GRB14: variants seen among roughly 807,000 people sequenced by gnomAD.
The protein encoded by GRB14 is growth factor receptor-bound protein 14.
Under a neutral mutation model 69.1 loss-of-function variants are expected in GRB14, and 38 were observed. The observed-to-expected ratio is 0.55, with a 90% CI of 0.42 to 0.72. The LOEUF is 0.72. Ranked by LOEUF, GRB14 falls within the 30% of genes least tolerant of loss-of-function variation. The probability of loss-of-function intolerance (pLI) is 0.00; values close to 1 mark genes in which losing one functional copy is unlikely to be tolerated. For missense variants in GRB14, 666 were observed against 666.1 expected (o/e 1.00, Z 0.00); for synonymous variants, 247 against 241.3 (o/e 1.02, Z -0.22).
chr2:164,521,987 G>A lies in GRB14; in HGVS notation c.809C>T (p.Thr270Ile), dbSNP rs772554477. ...ATGGATACTTCAATTTACCTTTGAT[G>A]TTCCTTTAGTAGAAAAATATAAACC... ...RSGLYFSTKG[T>I]SKEPRHLQFF... is the part of the protein sequence containing the mutation. Residue 270 changes from threonine (T) to isoleucine (I), a missense_variant, in exon 6 of 14, where the codon ACA (threonine) becomes ATA (isoleucine). By Grantham distance (89) the Thr-to-Ile change is moderately conservative. Coordinates refer to ENST00000263915, the MANE Select transcript of GRB14 (RefSeq NM_004490.3). 1.9e-6 allele frequency: 3 copies of A among 1,599,310 alleles called. No individual in the cohort carries two copies. Among genetic ancestry groups the A allele is most frequent in the Non-Finnish European group, 2.6e-6 (3 of 1,171,310 alleles).
intron 2 of GRB14, among the ~76,000 whole-genome samples, chr2:164,609,240 G>A (rs1385798020): frequency 1.3e-5 from 2 of 152,298 alleles, no homozygotes; most frequent in African/African-American, 4.8e-5. Flanking sequence ...ATTGCACTAT[G>A]CTAAAGAAAG....
At chr2:164,618,877 G>A (rs577010893) in intron 2 of GRB14, among the ~76,000 whole-genome samples, 29 of 152,264 alleles carry the variant, frequency 1.9e-4, no homozygotes, top group Middle Eastern at 6.8e-3. Context: ...TCAATGTATT[G>A]TTTCCACCCT....
At chr2:164,611,626 G>A (rs1690168990) in intron 2 of GRB14, among the ~76,000 whole-genome samples, 1 of 150,610 alleles carries the variant, frequency 6.6e-6, no homozygotes, top group African/African-American at 2.4e-5. Flanking sequence ...TCTAAGTTTA[G>A]ATGCTTGGTC....
At chr2:164,590,742 T>C (rs1027128626) in intron 2 of GRB14, among the ~76,000 whole-genome samples, 5 of 152,228 alleles carry the variant, frequency 3.3e-5, no homozygotes, top group African/African-American at 1.2e-4. Flanking sequence ...GTACAAGTGG[T>C]TTCACCTTTT....
chr2:164,612,160 C>T (rs1690182260), intron 2 of GRB14, among the ~76,000 whole-genome samples: 1 of 152,148 alleles, frequency 6.6e-6, no homozygotes, highest in Non-Finnish European at 1.5e-5. Flanking sequence ...AAAAACGGTA[C>T]ACGCAATGTT....
chr2:164,570,536 C>A (rs1260777087), intron 2 of GRB14, among the ~76,000 whole-genome samples: 1 of 151,980 alleles, frequency 6.6e-6, no homozygotes, highest in African/African-American at 2.4e-5. Context: ...TGCTAAGTAT[C>A]AAGGGTGCAC....
In GRB14 at chr2:164,531,908, C is replaced by G. The variant is rs553180733; in HGVS notation, c.482-4773G>C. On this transcript the variant is annotated intron_variant, in intron 3 of 13. Coordinates refer to ENST00000263915, the MANE Select transcript of GRB14 (RefSeq NM_004490.3). Reference sequence around the variant, plus strand: ...ACCAAGCATGACAGAGAAGCAATAGCTAAGTACAATGTCAAGTCCACAGCA... The same window carrying G: ...ACCAAGCATGACAGAGAAGCAATAGGTAAGTACAATGTCAAGTCCACAGCA... 3.3e-5 allele frequency among the ~76,000 whole-genome samples: 5 copies of G among 152,264 alleles called. 1 individual carries two copies. The highest frequency in any genetic ancestry group is 1.2e-4 in the African/African-American group (5 of 41,564).
chr2:164,565,644 G>T (rs115647921), intron 2 of GRB14, among the ~76,000 whole-genome samples: 1 of 152,154 alleles, frequency 6.6e-6, no homozygotes, highest in Non-Finnish European at 1.5e-5. Context: ...AGAAAAATGC[G>T]ATGAGGTAAA....
rs1574366176 is a variant in GRB14, at chr2:164,621,433, C to T, written c.-124G>A. ...CGCTCTGCAGGTGTGGTGGCCTCGC[C>T]GCCTGCGCTCGGGGCCCCGGCGGCT... On this transcript the variant is annotated 5_prime_UTR_variant, in exon 1 of 14. Coordinates refer to ENST00000263915, the MANE Select transcript of GRB14 (RefSeq NM_004490.3). The surrounding 1 kb of genome is among the most constrained non-coding windows in gnomAD (Gnocchi z 6.0). The T allele has an allele frequency of 2.6e-6, 2 of 756,610 alleles. No individual in the cohort carries two copies. Among genetic ancestry groups the T allele is most frequent in the Non-Finnish European group, 3.6e-6 (2 of 561,586 alleles). The allele number at this position is 756,610 out of a possible 1,614,324, so 46.9% of individuals were successfully genotyped here.
At chr2:164,533,293 C>T (rs1484218876) in intron 3 of GRB14, among the ~76,000 whole-genome samples, 3 of 124,480 alleles carry the variant, frequency 2.4e-5, no homozygotes, top group Admixed American at 2.3e-4. Context: ...AGTGCAGTGG[C>T]GCAATCTCGG....
chr2:164,610,027 C>G (rs190351915), intron 2 of GRB14, among the ~76,000 whole-genome samples: 1 of 152,218 alleles, frequency 6.6e-6, no homozygotes, highest in East Asian at 1.9e-4. Flanking sequence ...TGTTTACACG[C>G]CCCAGGGTAA....
At chr2:164,568,547 G>T in intron 2 of GRB14, 1 of 937,678 alleles carries the variant, frequency 1.1e-6, no homozygotes, top group Non-Finnish European at 1.3e-6. Context: ...AATTAAGGAT[G>T]GCTGTGGGAC....
chr2:164,568,274 C>G (rs1330545527), intron 2 of GRB14: 1 of 1,220,136 alleles, frequency 8.2e-7, no homozygotes, highest in Admixed American at 2.4e-5. Context: ...AAAAAAGCAG[C>G]AAGAAAAATT....
Position 164,607,810 on chromosome 2 carries a change from C to T in GRB14, c.324+11877G>A, listed in dbSNP as rs576000546. ...TGTACTTTGTTCAAATTAATACACT[C>T]GGAAAATGTGTTAATTTTATCATAC... On this transcript the variant is annotated intron_variant, in intron 2 of 13. Transcript: ENST00000263915. 5.3e-5 allele frequency among the ~76,000 whole-genome samples: 8 copies of T among 152,284 alleles called. No individual in the cohort carries two copies. The South Asian group carries it at 1.7e-3, about 32-fold the overall frequency.
At chr2:164,560,715 C>G (rs1243333249) in intron 2 of GRB14, among the ~76,000 whole-genome samples, 1 of 151,990 alleles carries the variant, frequency 6.6e-6, no homozygotes, top group Non-Finnish European at 1.5e-5. Context: ...ATTGATAAAA[C>G]TACCCAAGAT....
chr2:164,514,656 C>T (rs1451465736), intron 6 of GRB14, among the ~76,000 whole-genome samples: 1 of 151,986 alleles, frequency 6.6e-6, no homozygotes, highest in Non-Finnish European at 1.5e-5. Flanking sequence ...TCCAGCTGAA[C>T]TTTGTAACAA....
intron 2 of GRB14, among the ~76,000 whole-genome samples, chr2:164,618,854 G>C (rs1298583951): frequency 2.0e-5 from 3 of 152,308 alleles, no homozygotes; most frequent in East Asian, 3.9e-4. Context: ...CCCATTTCAA[G>C]TACCTGGCTA....
At chr2:164,594,184 A>G (rs1372253561) in intron 2 of GRB14, among the ~76,000 whole-genome samples, 2 of 152,134 alleles carry the variant, frequency 1.3e-5, no homozygotes, top group East Asian at 3.8e-4. Flanking sequence ...GACTCACAAC[A>G]CAGTAGATGA....
rs931192615 is a variant in GRB14, at chr2:164,581,229, G to A, written c.325-33413C>T. Among the ~76,000 whole-genome samples, 10 of 151,952 alleles carry A rather than the reference G, an allele frequency of 6.6e-5. No individual in the cohort carries two copies. In the South Asian group the frequency reaches 8.3e-4, roughly 13 times the overall value. On this transcript the variant is annotated intron_variant, in intron 2 of 13. Coordinates refer to ENST00000263915, the MANE Select transcript of GRB14 (RefSeq NM_004490.3). ...TTGTAGGAAGCTGAATAATTCCCCC[G>A]CCTTCACCCCATGTCAGTGTCCTAA...
Sources: allele counts gnomAD v4.1 joint callset (sites outside exome capture counted in the v4.1 genomes callset), GRCh38; gene constraint gnomAD v4.1.1; non-coding constraint Gnocchi (gnomAD v3.1); transcripts MANE v1.5; gene names NCBI Gene and HGNC (gene_info 2026-07-23, HGNC 2026-07-21).